BCL11B: variants seen among roughly 807,000 people sequenced by gnomAD.
The protein encoded by BCL11B is BCL11 transcription factor B, also known as B-cell lymphoma/leukemia 11B.
In BCL11B, 8 loss-of-function variants were observed where a neutral mutation model predicts 49.9. That is an observed-to-expected ratio of 0.16 (90% CI 0.09 to 0.29). The LOEUF (loss-of-function observed/expected upper bound fraction) is 0.29, where lower values mean the gene tolerates loss of function less well. Ranked by LOEUF, BCL11B falls within the 10% of genes least tolerant of loss-of-function variation. The pLI, the probability that BCL11B is intolerant of heterozygous loss-of-function variation, is 1.00. For synonymous variants in BCL11B, 739 were observed against 637.4 expected (o/e 1.16, Z -2.40); for missense variants, 1,006 against 1,351.0 (o/e 0.74, Z 4.00).
At chr14:99,237,438 AG>A (rs1406011721) in intron 2 of BCL11B, among the ~76,000 whole-genome samples, 1 of 152,172 alleles carries the variant, frequency 6.6e-6, no homozygotes, top group Admixed American at 6.5e-5. Context: ...CCAGAGAGGG[AG>A]TGGGTGTGCC....
rs749231381 is a variant in BCL11B at position 99,184,117 on chromosome 14, G to A, written c.641-7922C>T. ...TCAGGCACCCCAGCCTTTGGGATCC[G>A]GTCCCACTTGCTGCCTGCCTTTTGC... On this transcript the variant is annotated intron_variant, in intron 3 of 3. Coordinates refer to ENST00000357195, the MANE Select transcript of BCL11B (RefSeq NM_138576.4). This position sits in a 1 kb window ranked among gnomAD's most constrained non-coding sequence, Gnocchi z 6.1. 1.3e-5 allele frequency among the ~76,000 whole-genome samples: 2 copies of A among 152,000 alleles called. No individual in the cohort carries two copies. The highest frequency in any genetic ancestry group is 4.8e-5 in the African/African-American group (2 of 41,372).
intron 2 of BCL11B, among the ~76,000 whole-genome samples, chr14:99,252,490 T>C (rs1889035167): frequency 6.6e-6 from 1 of 152,238 alleles, no homozygotes; most frequent in East Asian, 1.9e-4. Context: ...GAAGTCCTTT[T>C]CTCTCACACA....
At position 99,271,086 on chromosome 14, in the gene BCL11B, C is replaced by T. The variant is rs1013965532; in HGVS notation, c.58+75G>A. ...GGCGCCTGGCCAGGCTCGGCTGTTC[C>T]GGGCTCGGTGTCCCCAGCCCCAGAC... On this transcript the variant is annotated intron_variant, in intron 1 of 3. Coordinates refer to ENST00000357195, the MANE Select transcript of BCL11B (RefSeq NM_138576.4). The T allele has an allele frequency of 7.8e-6, 11 of 1,417,838 alleles. No homozygotes were observed. The African/African-American group carries it at 8.9e-5, about 12-fold the overall frequency. The allele number at this position is 1,417,838 out of a possible 1,614,324, so 87.8% of individuals were successfully genotyped here. A position where few individuals can be genotyped will look rare whatever the true frequency, so the allele number is the denominator to read the frequency against.
intron 3 of BCL11B, among the ~76,000 whole-genome samples, chr14:99,180,320 A>G (rs1886664079): frequency 6.6e-6 from 1 of 152,158 alleles, no homozygotes; most frequent in Non-Finnish European, 1.5e-5. Context: ...ACGCTTGGCA[A>G]CTCAGACCCA....
In BCL11B at chr14:99,244,121, T is replaced by C. The variant is rs114157814; in HGVS notation, c.428-12564A>G. 6.4e-3 allele frequency among the ~76,000 whole-genome samples: 967 copies of C among 152,174 alleles called. 6 individuals are homozygous for C. The highest frequency in any genetic ancestry group is 0.022 in the African/African-American group (899 of 41,504). Reference sequence around the variant, plus strand: ...CCTGAACAAGAGCCTTCCACCACACTGTCCAAGCCTTAGCCCAAACATACA... The same window carrying C: ...CCTGAACAAGAGCCTTCCACCACACCGTCCAAGCCTTAGCCCAAACATACA... On this transcript the variant is annotated intron_variant, in intron 2 of 3. Transcript: ENST00000357195.
intron 3 of BCL11B, among the ~76,000 whole-genome samples, chr14:99,185,010 T>C (rs1886811678): frequency 6.6e-6 from 1 of 152,148 alleles, no homozygotes; most frequent in Non-Finnish European, 1.5e-5. Context: ...CAGTGAGTCT[T>C]GGTTTCCTCC....
At position 99,175,357 on chromosome 14, in the gene BCL11B, C is replaced by G. The variant is rs1441842859; in HGVS notation, c.1479G>C (p.Ser493=). 3 of 1,568,930 alleles carry G rather than the reference C, an allele frequency of 1.9e-6. No individual in the cohort carries two copies. The highest frequency in any genetic ancestry group is 2.3e-5 in the East Asian group (1 of 42,786). The part of the protein sequence containing the change: ...SLAGRSDDGL[S]AASSPEPGTS... ...TGCCGGGCTCGGGGGAGCTGGCGGC[C>G]GAGAGCCCGTCGTCGGAGCGGCCGG... Residue 493 remains serine (S), a synonymous_variant, in exon 4 of 4, where the codon TCG becomes TCC. Transcript: ENST00000357195.
Position 99,271,346 on chromosome 14 carries a change from CTCT to C in BCL11B, c.-131_-129del. 3.7e-6 allele frequency: 2 copies of C among 545,596 alleles called. No individual in the cohort carries two copies. Among genetic ancestry groups the C allele is most frequent in the South Asian group, 8.1e-5 (1 of 12,400 alleles). 33.8% of individuals were successfully genotyped at this position (545,596 alleles called of 1,614,324 possible). On this transcript the variant is annotated 5_prime_UTR_variant, in exon 1 of 4. Coordinates refer to ENST00000357195, the MANE Select transcript of BCL11B (RefSeq NM_138576.4). ...GCCGCCGCCGCCGCCGCACCTCCTC[CTCT>C]GCCCGGGTTGGTGTTTTTTTTCCCT...
intron 3 of BCL11B, among the ~76,000 whole-genome samples, chr14:99,218,840 C>G (rs1216862317): frequency 6.6e-6 from 1 of 152,166 alleles, no homozygotes; most frequent in East Asian, 1.9e-4. Context: ...TGAGATCATT[C>G]TGGATGGTCT....
chr14:99,214,162 A>G (rs1184946669), intron 3 of BCL11B, among the ~76,000 whole-genome samples: 1 of 152,084 alleles, frequency 6.6e-6, no homozygotes, highest in East Asian at 1.9e-4. Flanking sequence ...GCCTGTTCCT[A>G]GCTTCAATTC....
intron 3 of BCL11B, among the ~76,000 whole-genome samples, chr14:99,196,460 A>G (rs764645420): frequency 7.9e-5 from 12 of 152,316 alleles, no homozygotes; most frequent in Non-Finnish European, 1.8e-4. Context: ...GAGCCAGGCC[A>G]GCCAGCCCAT....
At position 99,271,302 on chromosome 14, in the gene BCL11B, C is replaced by A; in HGVS notation, c.-84G>T. 1.2e-6 allele frequency: 1 copy of A among 844,926 alleles called. No homozygotes were observed. Among genetic ancestry groups the A allele is most frequent in the South Asian group, 5.1e-5 (1 of 19,568 alleles). The allele number at this position is 844,926 out of a possible 1,614,324, so 52.3% of individuals were successfully genotyped here. A position where few individuals can be genotyped will look rare whatever the true frequency, so the allele number is the denominator to read the frequency against. On this transcript the variant is annotated 5_prime_UTR_variant, in exon 1 of 4. Transcript: ENST00000357195. ...GAGGGGGTCCGAGCCGCCGCCGCGCCGCTGCCGCCGCTGCCGCCGCCGCCG... is the reference window on the plus strand; with the variant it reads ...GAGGGGGTCCGAGCCGCCGCCGCGCAGCTGCCGCCGCTGCCGCCGCCGCCG...
intron 3 of BCL11B, among the ~76,000 whole-genome samples, chr14:99,225,563 A>G (rs1219332529): frequency 2.6e-5 from 4 of 152,056 alleles, no homozygotes; most frequent in Non-Finnish European, 4.4e-5. Context: ...TTAATTACAC[A>G]TGCTATCTTA....
chr14:99,180,840 T>C (rs1462281488), intron 3 of BCL11B, among the ~76,000 whole-genome samples: 1 of 152,196 alleles, frequency 6.6e-6, no homozygotes, highest in Non-Finnish European at 1.5e-5. Context: ...TTAGAGGTTC[T>C]AGGGAAGCAG....
Position 99,195,663 on chromosome 14 carries a change from G to A in BCL11B, c.641-19468C>T, listed in dbSNP as rs1424600705. ...GCTTACATCCATCCCAGGGCCTGCA[G>A]CATGGGAAGTGCTCAAAATAAAGCA... On this transcript the variant is annotated intron_variant, in intron 3 of 3. Transcript: ENST00000357195. This position sits in a 1 kb window ranked among gnomAD's most constrained non-coding sequence, Gnocchi z 4.7. Among the ~76,000 whole-genome samples, 1 of 152,126 alleles carries A rather than the reference G, an allele frequency of 6.6e-6. No homozygotes were observed. The highest frequency in any genetic ancestry group is 1.5e-5 in the Non-Finnish European group (1 of 68,028).
chr14:99,241,712 C>T lies in BCL11B; in HGVS notation c.428-10155G>A, dbSNP rs1039810304. On this transcript the variant is annotated intron_variant, in intron 2 of 3. Transcript: ENST00000357195. The surrounding 1 kb of genome is among the most constrained non-coding windows in gnomAD (Gnocchi z 4.4). ...CCCCTTCCCTAAGTGCATTTTAATA[C>T]CCTTATTCTACATCCTAATTTCTTT... is the stretch of plus-strand genomic sequence containing the variant. Among the ~76,000 whole-genome samples, 1 of 151,804 alleles carries T rather than the reference C, an allele frequency of 6.6e-6. No homozygotes were observed. Among genetic ancestry groups the T allele is most frequent in the Non-Finnish European group, 1.5e-5 (1 of 67,986 alleles).
At chr14:99,267,883 G>A (rs1181676455) in intron 1 of BCL11B, among the ~76,000 whole-genome samples, 4 of 152,162 alleles carry the variant, frequency 2.6e-5, no homozygotes, top group Non-Finnish European at 5.9e-5. Context: ...CTGGGGTTAC[G>A]CAGTTTACCG....
At chr14:99,180,636 C>T (rs1886673503) in intron 3 of BCL11B, among the ~76,000 whole-genome samples, 1 of 152,154 alleles carries the variant, frequency 6.6e-6, no homozygotes, top group African/African-American at 2.4e-5. Context: ...CCTGGGGAGA[C>T]CAAATGAGCT....
intron 3 of BCL11B, among the ~76,000 whole-genome samples, chr14:99,209,969 C>A (rs970415804): frequency 9.2e-5 from 14 of 152,136 alleles, no homozygotes; most frequent in Non-Finnish European, 1.6e-4. Flanking sequence ...CTGAGCCCCC[C>A]GAGACTCTCA....
Sources: allele counts gnomAD v4.1 joint callset (sites outside exome capture counted in the v4.1 genomes callset), GRCh38; gene constraint gnomAD v4.1.1; non-coding constraint Gnocchi (gnomAD v3.1); transcripts MANE v1.5; gene names NCBI Gene and HGNC (gene_info 2026-07-23, HGNC 2026-07-21).